The following CNTN5 variants were observed in gnomAD, a reference collection of about 807,000 sequenced individuals.
CNTN5 encodes contactin-5.
A neutral mutation model predicts 129.1 loss-of-function variants in CNTN5; 77 were observed. The ratio of observed to expected loss-of-function variants is 0.60; its 90% CI spans 0.50 to 0.72. The LOEUF is 0.72. CNTN5 is among the 30% of genes least tolerant of loss of function. The pLI, the probability that CNTN5 is intolerant of heterozygous loss-of-function variation, is 0.00. For missense variants in CNTN5, 1,478 were observed against 1,328.8 expected, an observed-to-expected ratio of 1.11 and a Z score of -1.75; for synonymous variants, 509 against 465.6, an observed-to-expected ratio of 1.09 and a Z score of -1.20.
At position 100,071,759 on chromosome 11, in the gene CNTN5, G is replaced by C; in HGVS notation, c.1354G>C (p.Asp452His). Residue 452 changes from aspartate (D) to histidine (H), a missense_variant, in exon 12 of 25, where the codon GAT becomes CAT. Transcript: ENST00000524871. ...GATGATCCACAATGTGAATCAATCA[G>C]ATGCTGGAATGTATCAGTGTTTGGC... Reference protein sequence around the residue: ...VLMIHNVNQSDAGMYQCLAEN... With the variant: ...VLMIHNVNQSHAGMYQCLAEN... 6.2e-7 allele frequency: 1 copy of C among 1,603,126 alleles called. No individual in the cohort carries two copies. Among genetic ancestry groups the C allele is most frequent in the Non-Finnish European group, 8.5e-7 (1 of 1,173,912 alleles).
intron 3 of CNTN5, among the ~76,000 whole-genome samples, chr11:99,700,892 C>G (rs907828740): frequency 2.0e-5 from 3 of 151,052 alleles, no homozygotes; most frequent in African/African-American, 7.3e-5. Flanking sequence ...TTACCTCCCC[C>G]AAAATGAGTA....
chr11:99,157,058 G>C (rs529462193), intron 1 of CNTN5, among the ~76,000 whole-genome samples: 1 of 151,876 alleles, frequency 6.6e-6, no homozygotes, highest in Non-Finnish European at 1.5e-5. Flanking sequence ...ATTTTTTAAA[G>C]ATTGAATAAT....
At chr11:99,505,929 T>C (rs909130084) in intron 2 of CNTN5, among the ~76,000 whole-genome samples, 3 of 152,212 alleles carry the variant, frequency 2.0e-5, no homozygotes, top group African/African-American at 7.2e-5. Context: ...TAATTGCCAA[T>C]TCCGAACTCT....
chr11:99,300,711 T>G (rs1400379159), intron 1 of CNTN5, among the ~76,000 whole-genome samples: 1 of 152,004 alleles, frequency 6.6e-6, no homozygotes. Flanking sequence ...CCAGCAGATC[T>G]GCCCTACAAA....
intron 3 of CNTN5, among the ~76,000 whole-genome samples, chr11:99,643,017 T>C (rs910364289): frequency 9.2e-5 from 14 of 152,248 alleles, no homozygotes; most frequent in Admixed American, 8.5e-4. Flanking sequence ...AGGTCTATTC[T>C]GTATCAACCT....
At chr11:99,620,065 G>A (rs1329200109) in intron 3 of CNTN5, among the ~76,000 whole-genome samples, 5 of 134,538 alleles carry the variant, frequency 3.7e-5, no homozygotes, top group East Asian at 4.6e-4. Flanking sequence ...ATCAGTTGAG[G>A]GCTCTAAGCA....
In CNTN5 at chr11:99,322,966, C is replaced by T. The variant is rs368684161; in HGVS notation, c.-209-2380C>T. Among the ~76,000 whole-genome samples, 13 of 152,082 alleles carry T rather than the reference C, an allele frequency of 8.5e-5. No homozygotes were observed. In the East Asian group the frequency reaches 2.5e-3, roughly 29 times the overall value. On this transcript the variant is annotated intron_variant, in intron 1 of 24. Transcript: ENST00000524871. ...GAAGCAAGGTTGTGAAATAATAAGA[C>T]AACTTACCTTCTTTTTCAGTAAGTC... is the stretch of plus-strand genomic sequence containing the variant.
At chr11:99,580,926 G>A (rs966020801) in intron 3 of CNTN5, among the ~76,000 whole-genome samples, 1 of 142,292 alleles carries the variant, frequency 7.0e-6, no homozygotes, top group Non-Finnish European at 1.5e-5. Flanking sequence ...GTGATGTTAG[G>A]GTGTCAATTT....
intron 17 of CNTN5, among the ~76,000 whole-genome samples, chr11:100,260,987 G>A (rs888390135): frequency 1.1e-4 from 16 of 152,106 alleles, no homozygotes; most frequent in Non-Finnish European, 1.8e-4. Flanking sequence ...ATTCAAATAG[G>A]AAGAGAGGAA....
chr11:99,366,442 T>C (rs1311590839), intron 2 of CNTN5, among the ~76,000 whole-genome samples: 2 of 152,166 alleles, frequency 1.3e-5, no homozygotes, highest in African/African-American at 4.8e-5. Flanking sequence ...ATCATTACAC[T>C]TTAATGCCAT....
intron 7 of CNTN5, 51 bp from the exon 8 acceptor site, chr11:99,956,755 G>A: frequency 7.2e-7 from 1 of 1,381,860 alleles, no homozygotes; most frequent in Non-Finnish European, 1.0e-6. Flanking sequence ...AGCTTTGTCT[G>A]TTAATGAAAA....
At chr11:99,883,371 G>A (rs188688901) in intron 6 of CNTN5, among the ~76,000 whole-genome samples, 153 of 152,142 alleles carry the variant, frequency 1.0e-3, no homozygotes, top group Middle Eastern at 3.4e-3. Flanking sequence ...TATCCTTGCC[G>A]GCATTCGTTA....
At chr11:99,115,941 G>A (rs377333838) in intron 1 of CNTN5, among the ~76,000 whole-genome samples, 21 of 152,228 alleles carry the variant, frequency 1.4e-4, no homozygotes, top group African/African-American at 4.6e-4. Flanking sequence ...ATTTAAATAG[G>A]CTCATTTGTG....
chr11:99,057,020 C>T (rs980479893), intron 1 of CNTN5, among the ~76,000 whole-genome samples: 45 of 152,130 alleles, frequency 3.0e-4, no homozygotes, highest in African/African-American at 1.1e-3. Context: ...ATGGACACTA[C>T]CTGTAGGCCA....
chr11:100,144,297 C>T (rs766429957), intron 13 of CNTN5, among the ~76,000 whole-genome samples: 104 of 151,822 alleles, frequency 6.9e-4, no homozygotes, highest in Non-Finnish European at 1.6e-4. Context: ...GCTGGGGTTT[C>T]GGCTTCTATT....
intron 3 of CNTN5, among the ~76,000 whole-genome samples, chr11:99,655,826 A>G (rs1952336521): frequency 6.6e-6 from 1 of 152,164 alleles, no homozygotes; most frequent in East Asian, 2.0e-4. Context: ...GGTAGGATGT[A>G]AAGACAGGAA....
At chr11:99,753,110 C>A (rs1278813742) in intron 3 of CNTN5, among the ~76,000 whole-genome samples, 4 of 135,250 alleles carry the variant, frequency 3.0e-5, no homozygotes, top group African/African-American at 8.1e-5. Context: ...ACATTTTAAG[C>A]CATATTTGCT....
chr11:100,180,496 T>C (rs1948108181), intron 13 of CNTN5, among the ~76,000 whole-genome samples: 1 of 151,958 alleles, frequency 6.6e-6, no homozygotes, highest in South Asian at 2.1e-4. Flanking sequence ...ATCAGAGACT[T>C]AAACGTCAAT....
intron 2 of CNTN5, among the ~76,000 whole-genome samples, chr11:99,541,963 A>G (rs1382768546): frequency 1.8e-5 from 2 of 113,280 alleles, no homozygotes; most frequent in Non-Finnish European, 3.7e-5. Context: ...TCTCAAAAAA[A>G]AAAAAAAAAA....
Sources: allele counts gnomAD v4.1 joint callset (sites outside exome capture counted in the v4.1 genomes callset), GRCh38; gene constraint gnomAD v4.1.1; transcripts MANE v1.5; gene names NCBI Gene and HGNC (gene_info 2026-07-23, HGNC 2026-07-21).